Variants in MEIKIN observed in about 807,000 individuals in gnomAD.
The protein encoded by MEIKIN is meiosis-specific kinetochore protein.
intron 12 of MEIKIN, among the ~76,000 whole-genome samples, chr5:131,814,574 C>A (rs4705902): frequency 1.1e-4 from 16 of 151,908 alleles, no homozygotes; most frequent in African/African-American, 3.9e-4. Flanking sequence ...ATCACACCCA[C>A]CCAGGACAGA....
intron 10 of MEIKIN, among the ~76,000 whole-genome samples, chr5:131,852,880 A>C (rs575094991): frequency 6.6e-5 from 10 of 152,124 alleles, no homozygotes; most frequent in Non-Finnish European, 1.5e-5. Flanking sequence ...CCACGAAAAA[A>C]ATCATTTTGG....
At chr5:131,818,045 C>G (rs1008739611) in intron 12 of MEIKIN, among the ~76,000 whole-genome samples, 1 of 152,190 alleles carries the variant, frequency 6.6e-6, no homozygotes, top group Non-Finnish European at 1.5e-5. Context: ...TTGAATTCCT[C>G]TCTACCACTT....
At position 131,845,272 on chromosome 5, in the gene MEIKIN, T is replaced by TAAAAAAAAAAAAAAAAAA. The variant is rs1158220526; in HGVS notation, c.975+5974_975+5991dup. Reference sequence around the variant, plus strand: ...GTGACAGAGCGAGAAGACTTCGTCTTAAAAAAAAAAAAAAAAAAAAAAAAA... The same window carrying TAAAAAAAAAAAAAAAAAA: ...GTGACAGAGCGAGAAGACTTCGTCTTAAAAAAAAAAAAAAAAAAAAAAAAAAAAAAAAAAAAAAAAAAA... On this transcript the variant is annotated intron_variant, in intron 11 of 12. Transcript: ENST00000442687. Among the ~76,000 whole-genome samples, 26 of 45,358 alleles carry TAAAAAAAAAAAAAAAAAA rather than the reference T, an allele frequency of 5.7e-4. 4 individuals are homozygous for TAAAAAAAAAAAAAAAAAA. The highest frequency in any genetic ancestry group is 3.5e-3 in the African/African-American group (25 of 7,160). 29.8% of individuals were successfully genotyped at this position (45,358 alleles called of 152,430 possible).
chr5:131,871,741 C>T (rs1750504746), intron 9 of MEIKIN, among the ~76,000 whole-genome samples: 1 of 152,210 alleles, frequency 6.6e-6, no homozygotes, highest in Admixed American at 6.5e-5. Flanking sequence ...AACTGGGAGG[C>T]ACCCCCCAGT....
Position 131,818,728 on chromosome 5 carries a change from A to G in MEIKIN, c.1099+12T>C. Reference sequence around the variant, plus strand: ...CATCCAAAAAGTATGCTCTGCATTCATACTACAGTACCTTGAGGGGTATCC... The same window carrying G: ...CATCCAAAAAGTATGCTCTGCATTCGTACTACAGTACCTTGAGGGGTATCC... On this transcript the variant is annotated intron_variant, in intron 12 of 12. Coordinates refer to ENST00000442687, the MANE Select transcript of MEIKIN (RefSeq NM_001303622.2). 1 of 397,656 alleles carries G rather than the reference A, an allele frequency of 2.5e-6. No individual in the cohort carries two copies. The highest frequency in any genetic ancestry group is 4.4e-6 in the Non-Finnish European group (1 of 225,444). The allele number at this position is 397,656 out of a possible 1,614,324, so 24.6% of individuals were successfully genotyped here.
chr5:131,900,365 C>T (rs1299374808), intron 8 of MEIKIN, among the ~76,000 whole-genome samples: 3 of 152,172 alleles, frequency 2.0e-5, no homozygotes, highest in African/African-American at 4.8e-5. Flanking sequence ...AGGGCTAAGG[C>T]GCACTGGGAC....
chr5:131,941,989 C>T lies in MEIKIN; in HGVS notation c.349+646G>A, dbSNP rs149100736. ...ACCCTAGTAGAAGGCGCCATTATTT[C>T]TCCCCTAAACTACTTGAACAGCCTC... On this transcript the variant is annotated intron_variant, in intron 4 of 12. Transcript: ENST00000442687. Among the ~76,000 whole-genome samples the T allele has an allele frequency of 3.9e-5, 6 of 152,314 alleles. No individual in the cohort carries two copies. The East Asian group carries it at 1.2e-3, about 29-fold the overall frequency.
At chr5:131,830,294 G>A (rs1161404786) in intron 11 of MEIKIN, among the ~76,000 whole-genome samples, 1 of 152,204 alleles carries the variant, frequency 6.6e-6, no homozygotes, top group Non-Finnish European at 1.5e-5. Flanking sequence ...CTACTTGGGA[G>A]GCTGAGGCGA....
At chr5:131,889,664 C>A (rs1249109533) in intron 8 of MEIKIN, among the ~76,000 whole-genome samples, 2 of 152,202 alleles carry the variant, frequency 1.3e-5, no homozygotes, top group Non-Finnish European at 2.9e-5. Context: ...CAAACAGGGA[C>A]AATTTGACTT....
intron 11 of MEIKIN, among the ~76,000 whole-genome samples, chr5:131,822,010 C>G (rs893734562): frequency 6.6e-5 from 10 of 152,192 alleles, no homozygotes; most frequent in African/African-American, 2.4e-4. Flanking sequence ...ATTATATGCT[C>G]TTACTGAACT....
intron 5 of MEIKIN, among the ~76,000 whole-genome samples, chr5:131,927,087 G>C (rs974326136): frequency 6.6e-6 from 1 of 151,584 alleles, no homozygotes; most frequent in Middle Eastern, 3.4e-3. Flanking sequence ...TGTAACATTA[G>C]CTTATTTGAA....
At chr5:131,927,883 C>T (rs899553343) in intron 5 of MEIKIN, among the ~76,000 whole-genome samples, 35 of 152,258 alleles carry the variant, frequency 2.3e-4, no homozygotes, top group Middle Eastern at 3.4e-3. Context: ...CGGTGGCTCA[C>T]GCCTGTAATC....
chr5:131,825,691 C>G (rs532159614), intron 11 of MEIKIN, among the ~76,000 whole-genome samples: 300 of 152,330 alleles, frequency 2.0e-3, no homozygotes, highest in African/African-American at 6.6e-3. Context: ...CATAAACTAT[C>G]TGGCAAGGCC....
At chr5:131,874,144 C>G (rs1472004266) in intron 9 of MEIKIN, among the ~76,000 whole-genome samples, 2 of 152,104 alleles carry the variant, frequency 1.3e-5, no homozygotes, top group Non-Finnish European at 2.9e-5. Flanking sequence ...TAACTAAGAT[C>G]AGAGCAGAAC....
intron 11 of MEIKIN, among the ~76,000 whole-genome samples, chr5:131,836,090 T>C (rs1011565870): frequency 1.3e-5 from 2 of 152,170 alleles, no homozygotes; most frequent in African/African-American, 4.8e-5. Context: ...TGTTCCCCTG[T>C]ATATGTCCAT....
At chr5:131,851,780 A>G (rs560870281) in intron 10 of MEIKIN, among the ~76,000 whole-genome samples, 2 of 152,210 alleles carry the variant, frequency 1.3e-5, no homozygotes, top group East Asian at 1.9e-4. Context: ...AAAATTTCCA[A>G]AAAAGATGAC....
chr5:131,861,274 AGCTACTT>A (rs1261729372), intron 9 of MEIKIN, among the ~76,000 whole-genome samples: 1 of 151,986 alleles, frequency 6.6e-6, no homozygotes, highest in African/African-American at 2.4e-5. Context: ...CTGTAGTCCC[AGCTACTT>A]GGGAGGCTGA....
chr5:131,861,571 G>T (rs900423929), intron 9 of MEIKIN, among the ~76,000 whole-genome samples: 1 of 152,276 alleles, frequency 6.6e-6, no homozygotes, highest in African/African-American at 2.4e-5. Context: ...CATTCAGTCT[G>T]ATGTCAGCTG....
intron 12 of MEIKIN, among the ~76,000 whole-genome samples, chr5:131,815,023 T>C (rs1213802739): frequency 1.3e-5 from 2 of 152,230 alleles, no homozygotes; most frequent in African/African-American, 4.8e-5. Context: ...GGTAGCATTT[T>C]GTTCTTACTA....
Sources: allele counts gnomAD v4.1 joint callset (sites outside exome capture counted in the v4.1 genomes callset), GRCh38; gene constraint gnomAD v4.1.1; transcripts MANE v1.5; gene names NCBI Gene and HGNC (gene_info 2026-07-23, HGNC 2026-07-21).